SSH2: variants seen among roughly 807,000 people sequenced by gnomAD.
The protein encoded by SSH2 is protein phosphatase Slingshot homolog 2.
In SSH2, 37 loss-of-function variants were observed where a neutral mutation model predicts 135.2. The observed-to-expected ratio is 0.27, with a 90% CI of 0.21 to 0.36. SSH2 has a LOEUF of 0.36. Ranked by LOEUF, SSH2 falls within the 10% of genes least tolerant of loss-of-function variation. The pLI, the probability that SSH2 is intolerant of heterozygous loss-of-function variation, is 1.00. For synonymous variants in SSH2, 628 were observed against 646.2 expected (o/e 0.97, Z 0.43); for missense variants, 1,408 against 1,765.3 (o/e 0.80, Z 3.63).
Position 29,632,242 on chromosome 17 carries a change from G to C in SSH2, c.2952C>G (p.Pro984=), listed in dbSNP as rs770670155. 6.2e-7 allele frequency: 1 copy of C among 1,614,020 alleles called. No homozygotes were observed. Among genetic ancestry groups the C allele is most frequent in the South Asian group, 1.1e-5 (1 of 91,078 alleles). The part of the protein sequence containing the change: ...HSEQNATVPA[P]RVLEFDHLPD... ...GCAAGTGGTCAAACTCCAGCACCCT[G>C]GGAGCTGGAACAGTGGCATTCTGCT... The change falls in exon 16 of 16, where the codon CCC becomes CCG. Residue 984 remains proline, a synonymous_variant. Transcript: ENST00000540801.
intron 6 of SSH2, among the ~76,000 whole-genome samples, chr17:29,679,401 A>AT (rs1281316201): frequency 6.6e-6 from 1 of 150,684 alleles, no homozygotes; most frequent in Non-Finnish European, 1.5e-5. Context: ...TTTAAAATTT[A>AT]TTTTTATTTT....
At chr17:29,870,798 T>G (rs1174362992) in intron 1 of SSH2, among the ~76,000 whole-genome samples, 2 of 152,320 alleles carry the variant, frequency 1.3e-5, no homozygotes, top group Admixed American at 6.5e-5. Flanking sequence ...GTCTATTTGA[T>G]AAAAATAAGA....
intron 11 of SSH2, among the ~76,000 whole-genome samples, chr17:29,663,540 C>T (rs147840795): frequency 7.2e-5 from 11 of 152,296 alleles, no homozygotes; most frequent in African/African-American, 2.6e-4. Context: ...ATTTAAATTA[C>T]AGAGATCCTC....
At chr17:29,812,070 GA>G (rs1297842211) in intron 2 of SSH2, among the ~76,000 whole-genome samples, 1 of 150,306 alleles carries the variant, frequency 6.7e-6, no homozygotes, top group Non-Finnish European at 1.5e-5. Flanking sequence ...TGAAAAATAA[GA>G]AAAAAAGACT....
intron 3 of SSH2, among the ~76,000 whole-genome samples, chr17:29,736,466 A>T (rs1418581520): frequency 6.6e-6 from 1 of 152,180 alleles, no homozygotes. Flanking sequence ...AAAAAAGATT[A>T]AACATAAGGT....
At chr17:29,920,666 T>C (rs576415873) in intron 1 of SSH2, among the ~76,000 whole-genome samples, 1 of 152,288 alleles carries the variant, frequency 6.6e-6, no homozygotes, top group Admixed American at 6.5e-5. Flanking sequence ...TGTAGTAAAA[T>C]TAATTTCAGA....
intron 3 of SSH2, among the ~76,000 whole-genome samples, chr17:29,731,211 G>C (rs1317249175): frequency 6.6e-6 from 1 of 152,072 alleles, no homozygotes; most frequent in Non-Finnish European, 1.5e-5. Flanking sequence ...TGGAGTTCTT[G>C]CTCTGTCACT....
At chr17:29,852,337 T>C (rs577980184) in intron 1 of SSH2, among the ~76,000 whole-genome samples, 1 of 151,992 alleles carries the variant, frequency 6.6e-6, no homozygotes, top group East Asian at 1.9e-4. Context: ...TTCCTAAAGT[T>C]ATTTTAAGAC....
intron 9 of SSH2, among the ~76,000 whole-genome samples, chr17:29,668,297 C>T (rs1429766738): frequency 6.6e-6 from 1 of 152,220 alleles, no homozygotes; most frequent in Admixed American, 6.5e-5. Context: ...CTACAGAATA[C>T]AGCTAATACC....
intron 3 of SSH2, chr17:29,716,727 C>T: frequency 1.8e-6 from 1 of 545,654 alleles, no homozygotes; most frequent in South Asian, 1.5e-5. Flanking sequence ...GGCTGAAAGT[C>T]TAAGTTCTCT....
At chr17:29,778,621 CAA>C (rs1465979366) in intron 3 of SSH2, among the ~76,000 whole-genome samples, 6 of 150,870 alleles carry the variant, frequency 4.0e-5, no homozygotes, top group Admixed American at 1.3e-4. Context: ...GCCTGGGCGA[CAA>C]GAGTGAGATT....
intron 9 of SSH2, among the ~76,000 whole-genome samples, chr17:29,667,675 G>C (rs770054119): frequency 6.6e-6 from 1 of 152,178 alleles, no homozygotes. Flanking sequence ...GCTGGGGACT[G>C]CTGACTTAAG....
chr17:29,645,179 C>T (rs1190736265), intron 14 of SSH2: 1 of 152,132 alleles, frequency 6.6e-6, no homozygotes, highest in Non-Finnish European at 1.5e-5. Context: ...TTCACAATAA[C>T]CCTGTGAGAT....
chr17:29,834,277 C>G (rs1367486821), intron 2 of SSH2, among the ~76,000 whole-genome samples: 2 of 151,966 alleles, frequency 1.3e-5, no homozygotes. Context: ...ACCTCTCAAA[C>G]AGGCAAAGAT....
At chr17:29,724,792 G>A (rs998496266) in intron 3 of SSH2, among the ~76,000 whole-genome samples, 4 of 150,672 alleles carry the variant, frequency 2.7e-5, no homozygotes, top group Non-Finnish European at 5.9e-5. Context: ...GTTTCACCAT[G>A]TTGCCCAGGC....
intron 15 of SSH2, among the ~76,000 whole-genome samples, chr17:29,634,439 T>C (rs534641294): frequency 6.7e-4 from 102 of 152,344 alleles, no homozygotes; most frequent in Non-Finnish European, 2.9e-4. Context: ...TTAGAATTGA[T>C]GCGATATAGT....
chr17:29,905,030 T>C (rs948399895), intron 1 of SSH2, among the ~76,000 whole-genome samples: 4 of 152,018 alleles, frequency 2.6e-5, no homozygotes, highest in Non-Finnish European at 5.9e-5. Flanking sequence ...CATTCCATGC[T>C]GATAGGAAGA....
chr17:29,627,067 C>T lies in SSH2; in HGVS notation c.*3774G>A, dbSNP rs2035522714. 4 of 152,472 alleles carry T rather than the reference C, an allele frequency of 2.6e-5. No individual in the cohort carries two copies. The South Asian group carries it at 8.3e-4, about 32-fold the overall frequency. 9.4% of individuals were successfully genotyped at this position (152,472 alleles called of 1,614,324 possible). On this transcript the variant is annotated 3_prime_UTR_variant, in exon 16 of 16. Transcript: ENST00000540801. ...CAGCTTCAGCGTATACCCACTTACT[C>T]ACAAGGGCTGACCATGATGGCCCTG... is the stretch of plus-strand genomic sequence containing the variant.
chr17:29,838,523 C>T (rs1046414873), intron 2 of SSH2, among the ~76,000 whole-genome samples: 1 of 152,196 alleles, frequency 6.6e-6, no homozygotes, highest in Non-Finnish European at 1.5e-5. Context: ...CTGGGCTGCC[C>T]ACGTCCACTC....
Sources: gnomAD v4.1 joint callset for allele counts (sites outside exome capture counted in the v4.1 genomes callset) on GRCh38, gnomAD v4.1.1 for gene constraint, MANE v1.5 for transcripts, NCBI Gene and HGNC (gene_info 2026-07-23, HGNC 2026-07-21) for gene names.